Variants in AGMO observed in about 807,000 individuals in gnomAD.
AGMO encodes the protein alkylglycerol monooxygenase.
A neutral mutation model predicts 60.2 loss-of-function variants in AGMO; 75 were observed. The observed-to-expected ratio is 1.25, with a 90% confidence interval of 1.03 to 1.51. AGMO has a LOEUF of 1.51. Ranked by LOEUF, AGMO falls within the 40% of genes most tolerant of loss-of-function variation. AGMO has a pLI of 0.00. For missense variants in AGMO, 763 were observed against 525.5 expected, an observed-to-expected ratio of 1.45 and a Z score of -4.42; for synonymous variants, 261 against 177.1, an observed-to-expected ratio of 1.47 and a Z score of -3.76.
In AGMO at chr7:15,536,465, T is replaced by C. The variant is rs147230947; in HGVS notation, c.409+8307A>G. ...TGTTTATGCATACAACTATAGACTT[T>C]TCAGAAATTTGTAAATTTCAGAATT... On this transcript the variant is annotated intron_variant, in intron 3 of 12. Transcript: ENST00000342526. Among the ~76,000 whole-genome samples, 714 of 152,086 alleles carry C rather than the reference T, an allele frequency of 4.7e-3. 3 individuals carry two copies. The highest frequency in any genetic ancestry group is 0.016 in the African/African-American group (680 of 41,536).
At chr7:15,412,285 T>G (rs577259125) in intron 5 of AGMO, among the ~76,000 whole-genome samples, 1 of 152,052 alleles carries the variant, frequency 6.6e-6, no homozygotes, top group East Asian at 1.9e-4. Flanking sequence ...GGGCAGTTAT[T>G]TGAGTATAGA....
At chr7:15,233,090 T>C (rs6461161) in intron 12 of AGMO, among the ~76,000 whole-genome samples, 84,239 of 151,956 alleles carry the variant, frequency 0.55, 23,953 homozygotes, top group Admixed American at 0.7. Flanking sequence ...GTTTGATTCA[T>C]ATTAACTGTC....
chr7:15,342,628 T>C (rs1253422988), intron 12 of AGMO, among the ~76,000 whole-genome samples: 1 of 151,882 alleles, frequency 6.6e-6, no homozygotes, highest in Non-Finnish European at 1.5e-5. Context: ...GACTAACAGA[T>C]TTCGGCTTTC....
intron 4 of AGMO, among the ~76,000 whole-genome samples, chr7:15,423,303 T>C (rs1238432139): frequency 1.3e-5 from 2 of 152,182 alleles, no homozygotes; most frequent in Non-Finnish European, 2.9e-5. Context: ...AATTACCTGA[T>C]TATAGATAGA....
chr7:15,365,427 A>G (rs1386266697), intron 12 of AGMO, 87 bp downstream of exon 12: 6 of 684,634 alleles, frequency 8.8e-6, no homozygotes, highest in Middle Eastern at 2.6e-4. Flanking sequence ...CTGGTCAGAA[A>G]TGAAGTAGAG....
chr7:15,540,448 G>C (rs1266802237), intron 3 of AGMO, among the ~76,000 whole-genome samples: 1 of 152,168 alleles, frequency 6.6e-6, no homozygotes, highest in Non-Finnish European at 1.5e-5. Flanking sequence ...AGACAGAAAA[G>C]AGCACGCTGG....
the AGMO span, among the ~76,000 whole-genome samples, chr7:15,148,284 T>C: frequency 3.6e-3 from 547 of 152,242 alleles, 3 homozygotes; most frequent in African/African-American, 0.013. Flanking sequence ...TCTTCAAAGA[T>C]AGGTTTGTGG....
At chr7:15,227,425 AT>A (rs1184961977) in intron 12 of AGMO, among the ~76,000 whole-genome samples, 1 of 151,968 alleles carries the variant, frequency 6.6e-6, no homozygotes, top group Non-Finnish European at 1.5e-5. Flanking sequence ...ACAAACAAAT[AT>A]ATCAACAATG....
At chr7:15,176,517 T>C in the AGMO span, among the ~76,000 whole-genome samples, 1 of 151,956 alleles carries the variant, frequency 6.6e-6, no homozygotes, top group African/African-American at 2.4e-5. Flanking sequence ...AACATGAGAA[T>C]AGTTTTTCCC....
chr7:15,269,420 G>C (rs1187003562), intron 12 of AGMO, among the ~76,000 whole-genome samples: 1 of 151,946 alleles, frequency 6.6e-6, no homozygotes, highest in Non-Finnish European at 1.5e-5. Context: ...AAGGATTCCC[G>C]GTCCCAATAG....
intron 3 of AGMO, among the ~76,000 whole-genome samples, chr7:15,456,789 T>G (rs1265236646): frequency 6.6e-6 from 1 of 152,176 alleles, no homozygotes; most frequent in Non-Finnish European, 1.5e-5. Context: ...CTCTGTGCGC[T>G]ACTATTTTGG....
At chr7:15,210,423 T>G (rs1286246318) in intron 12 of AGMO, among the ~76,000 whole-genome samples, 1 of 152,188 alleles carries the variant, frequency 6.6e-6, no homozygotes, top group Non-Finnish European at 1.5e-5. Flanking sequence ...ATGGACAGAA[T>G]TTCCTGGCTT....
intron 5 of AGMO, among the ~76,000 whole-genome samples, chr7:15,413,521 T>C (rs1411399581): frequency 6.6e-6 from 1 of 152,180 alleles, no homozygotes; most frequent in Non-Finnish European, 1.5e-5. Context: ...TGGCACGTTG[T>C]AGTCAAACTG....
At chr7:15,469,702 T>G (rs548299038) in intron 3 of AGMO, among the ~76,000 whole-genome samples, 160 of 152,290 alleles carry the variant, frequency 1.1e-3, no homozygotes, top group African/African-American at 3.8e-3. Flanking sequence ...TTTGGGAGAC[T>G]GTGGTTATGA....
At chr7:15,244,744 C>T (rs989872307) in intron 12 of AGMO, among the ~76,000 whole-genome samples, 4 of 152,056 alleles carry the variant, frequency 2.6e-5, no homozygotes, top group African/African-American at 9.7e-5. Flanking sequence ...CTCCACCTCC[C>T]GGGTTCATGC....
the AGMO span, among the ~76,000 whole-genome samples, chr7:15,178,830 T>G: frequency 1.3e-5 from 2 of 152,230 alleles, no homozygotes; most frequent in South Asian, 4.1e-4. Context: ...TTTATTTGGC[T>G]TATGGTTCTG....
chr7:15,293,376 A>G (rs12234493), intron 12 of AGMO, among the ~76,000 whole-genome samples: 35,932 of 151,944 alleles, frequency 0.24, 4,368 homozygotes, highest in African/African-American at 0.28. Context: ...GATAGATTTC[A>G]GCATATAACT....
the AGMO span, among the ~76,000 whole-genome samples, chr7:15,184,301 GGC>G: frequency 1.5e-4 from 8 of 53,718 alleles, no homozygotes; most frequent in African/African-American, 3.2e-4. Flanking sequence ...AAGGGAGGCA[GGC>G]AGGGAGGGAG....
At chr7:15,322,264 A>G (rs1387634996) in intron 12 of AGMO, among the ~76,000 whole-genome samples, 2 of 148,688 alleles carry the variant, frequency 1.3e-5, no homozygotes, top group South Asian at 2.1e-4. Flanking sequence ...ACCAAGGTAC[A>G]TATCATCAGA....
Sources: gnomAD v4.1 joint callset for allele counts (sites outside exome capture counted in the v4.1 genomes callset) on GRCh38, gnomAD v4.1.1 for gene constraint, MANE v1.5 for transcripts, NCBI Gene and HGNC (gene_info 2026-07-23, HGNC 2026-07-21) for gene names.